TADA2A: variants seen among roughly 807,000 people sequenced by gnomAD.
TADA2A encodes the protein transcriptional adaptor 2A.
In TADA2A, 38 loss-of-function variants were observed where a neutral mutation model predicts 67.4. The observed-to-expected ratio is 0.56, with a 90% confidence interval of 0.44 to 0.74. The LOEUF is 0.74. TADA2A is among the 30% of genes least tolerant of loss of function. The pLI is 0.00. For missense variants in TADA2A, 454 were observed against 547.0 expected, an observed-to-expected ratio of 0.83 and a Z score of 1.70; for synonymous variants, 192 against 181.6, an observed-to-expected ratio of 1.06 and a Z score of -0.46.
chr17:37,417,951 A>G (rs1289347232), intron 2 of TADA2A, among the ~76,000 whole-genome samples: 2 of 152,248 alleles, frequency 1.3e-5, no homozygotes, highest in East Asian at 3.8e-4. Flanking sequence ...ATGTATTTCA[A>G]TATGTTTAGA....
At chr17:37,416,188 G>A (rs1206867007) in intron 2 of TADA2A, among the ~76,000 whole-genome samples, 1 of 149,278 alleles carries the variant, frequency 6.7e-6, no homozygotes, top group Non-Finnish European at 1.5e-5. Context: ...GTGCGATCTC[G>A]GCTCACCGTA....
At chr17:37,442,787 C>A in intron 7 of TADA2A, 135 bp downstream of exon 7, 1 of 708,824 alleles carries the variant, frequency 1.4e-6, no homozygotes, top group Non-Finnish European at 2.2e-6. Context: ...GACCTTTAGG[C>A]AGCCACATTT....
At chr17:37,445,972 T>C (rs1424730019) in intron 8 of TADA2A, among the ~76,000 whole-genome samples, 2 of 152,128 alleles carry the variant, frequency 1.3e-5, no homozygotes, top group Non-Finnish European at 2.9e-5. Context: ...TTGATTCTTT[T>C]CTCTCCATAG....
chr17:37,461,788 A>C (rs2053552699), intron 9 of TADA2A: 1 of 264,906 alleles, frequency 3.8e-6, no homozygotes, highest in African/African-American at 2.2e-5. Context: ...CTTAAGTGAC[A>C]GACATGTGTT....
At chr17:37,459,930 GT>G (rs1233432800) in intron 9 of TADA2A, among the ~76,000 whole-genome samples, 1 of 151,606 alleles carries the variant, frequency 6.6e-6, no homozygotes, top group Non-Finnish European at 1.5e-5. Context: ...GCTGGGGGTG[GT>G]GGTGCATGCC....
At position 37,477,988 on chromosome 17, in the gene TADA2A, C is replaced by G. The variant is rs2053923761; in HGVS notation, c.*1006C>G. The G allele has an allele frequency of 6.6e-6, 1 of 151,750 alleles. No homozygotes were observed. The highest frequency in any genetic ancestry group is 2.4e-5 in the African/African-American group (1 of 41,334). The allele number at this position is 151,750 out of a possible 1,614,324, so 9.4% of individuals were successfully genotyped here. A position where few individuals can be genotyped will look rare whatever the true frequency, so the allele number is the denominator to read the frequency against. On this transcript the variant is annotated 3_prime_UTR_variant, in exon 16 of 16. Coordinates refer to ENST00000615182, the MANE Select transcript of TADA2A (RefSeq NM_001166105.3). ...CAAAAATTAGCTGAGTGTGGTGGCA[C>G]ACGCCTGTAATCCCAGCTACTCAGG...
intron 4 of TADA2A, among the ~76,000 whole-genome samples, chr17:37,434,716 C>T (rs2052670613): frequency 6.6e-6 from 1 of 152,076 alleles, no homozygotes; most frequent in Admixed American, 6.6e-5. Context: ...ATTGTGTGGT[C>T]CCTTGGAGTA....
Position 37,477,043 on chromosome 17 carries a change from A to G in TADA2A, c.*61A>G, listed in dbSNP as rs1416397254. On this transcript the variant is annotated 3_prime_UTR_variant, in exon 16 of 16. Coordinates refer to ENST00000615182, the MANE Select transcript of TADA2A (RefSeq NM_001166105.3). Reference sequence around the variant, plus strand: ...GGAATGTGGTGGGTCAAAGGACAATATGGGTGGGCATTCTGGAGAGTTGTT... The same window carrying G: ...GGAATGTGGTGGGTCAAAGGACAATGTGGGTGGGCATTCTGGAGAGTTGTT... 2 of 1,497,136 alleles carry G rather than the reference A, an allele frequency of 1.3e-6. No individual in the cohort carries two copies. The highest frequency in any genetic ancestry group is 1.8e-6 in the Non-Finnish European group (2 of 1,107,108). The allele number at this position is 1,497,136 out of a possible 1,614,324, so 92.7% of individuals were successfully genotyped here. A position where few individuals can be genotyped will look rare whatever the true frequency, so the allele number is the denominator to read the frequency against.
At chr17:37,422,523 T>TATTATTATTATTATC in intron 2 of TADA2A, among the ~76,000 whole-genome samples, 1 of 147,346 alleles carries the variant, frequency 6.8e-6, no homozygotes, top group Non-Finnish European at 1.5e-5. Context: ...TTATTATTAT[T>TATTATTATTATTATC]TGAGGCAGGG....
rs899133293 is a variant in TADA2A, at chr17:37,435,034, G to A, written c.193-2704G>A. Among the ~76,000 whole-genome samples the A allele has an allele frequency of 3.3e-5, 5 of 152,206 alleles. No individual in the cohort carries two copies. In the South Asian group the frequency reaches 8.3e-4, roughly 25 times the overall value. Reference sequence around the variant, plus strand: ...GGCCCAGGCGGGCAGATCACCTGAGGTCGGGAGTTCGAGACCAGCCTGACC... The same window carrying A: ...GGCCCAGGCGGGCAGATCACCTGAGATCGGGAGTTCGAGACCAGCCTGACC... On this transcript the variant is annotated intron_variant, in intron 4 of 15. Transcript: ENST00000615182.
intron 5 of TADA2A, among the ~76,000 whole-genome samples, chr17:37,439,922 ATTTATTTATTTATTTAT>A (rs1568154943): frequency 2.0e-5 from 2 of 97,854 alleles, no homozygotes; most frequent in African/African-American, 9.2e-5. Context: ...TTATTTATTT[ATTTATTTATTTATTTAT>A]TTATTATTTT....
chr17:37,436,241 T>C (rs2052722611), intron 4 of TADA2A: 1 of 152,212 alleles, frequency 6.6e-6, no homozygotes, highest in Non-Finnish European at 1.5e-5. Flanking sequence ...CTTAGAGATA[T>C]TTAGTCAAAT....
At chr17:37,413,568 A>G (rs1193385100) in intron 2 of TADA2A, among the ~76,000 whole-genome samples, 1 of 151,656 alleles carries the variant, frequency 6.6e-6, no homozygotes, top group Non-Finnish European at 1.5e-5. Context: ...TTTTTAAGAG[A>G]TGGGGTCTCA....
At chr17:37,468,239 C>T (rs1182388823) in intron 12 of TADA2A, among the ~76,000 whole-genome samples, 1 of 152,174 alleles carries the variant, frequency 6.6e-6, no homozygotes, top group Non-Finnish European at 1.5e-5. Flanking sequence ...ATATTATTAG[C>T]AGCTAACATC....
At chr17:37,408,976 G>A (rs2051768066) in intron 1 of TADA2A, among the ~76,000 whole-genome samples, 1 of 152,212 alleles carries the variant, frequency 6.6e-6, no homozygotes, top group Non-Finnish European at 1.5e-5. Flanking sequence ...TTAACCTTTT[G>A]TAGAATTAAC....
intron 1 of TADA2A, among the ~76,000 whole-genome samples, chr17:37,410,727 G>C (rs1285079633): frequency 6.6e-6 from 1 of 152,194 alleles, no homozygotes; most frequent in Non-Finnish European, 1.5e-5. Context: ...ACTGCCTTCT[G>C]TCCTTTCATG....
chr17:37,461,082 C>T (rs1217997783), intron 9 of TADA2A, among the ~76,000 whole-genome samples: 1 of 152,078 alleles, frequency 6.6e-6, no homozygotes, highest in Non-Finnish European at 1.5e-5. Flanking sequence ...TCATGGAAGA[C>T]TGTTTTTCCA....
intron 4 of TADA2A, among the ~76,000 whole-genome samples, chr17:37,428,748 T>C (rs923809228): frequency 1.3e-5 from 2 of 152,068 alleles, no homozygotes; most frequent in South Asian, 2.1e-4. Context: ...CTGGCTAATT[T>C]AAAAATTTTT....
At chr17:37,446,738 G>T (rs1486195794) in intron 8 of TADA2A, among the ~76,000 whole-genome samples, 2 of 151,832 alleles carry the variant, frequency 1.3e-5, no homozygotes, top group African/African-American at 2.4e-5. Context: ...ATAATGGCTT[G>T]ACTTGGTGAA....
Sources: allele counts gnomAD v4.1 joint callset (sites outside exome capture counted in the v4.1 genomes callset), GRCh38; gene constraint gnomAD v4.1.1; transcripts MANE v1.5; gene names NCBI Gene and HGNC (gene_info 2026-07-23, HGNC 2026-07-21).